The following KCNMA1 variants were observed in gnomAD, a reference collection of about 807,000 sequenced individuals.
The protein encoded by KCNMA1 is Calcium-activated potassium channel subunit alpha-1.
Under a neutral mutation model 140.0 loss-of-function variants are expected in KCNMA1, and 29 were observed. The ratio of observed to expected loss-of-function variants is 0.21; its 90% CI spans 0.15 to 0.28. The LOEUF is 0.28. Among genes scored for constraint, KCNMA1 ranks in the 10% least tolerant of loss-of-function variants. The pLI is 1.00. For missense variants in KCNMA1, 880 were observed against 1,602.2 expected (o/e 0.55, Z 7.70); for synonymous variants, 612 against 611.9 (o/e 1.00, Z 0.00).
intron 2 of KCNMA1, among the ~76,000 whole-genome samples, chr10:77,396,430 G>T (rs2096058630): frequency 6.6e-6 from 1 of 151,892 alleles, no homozygotes; most frequent in African/African-American, 2.4e-5. Flanking sequence ...ACCTCCATAG[G>T]GCACCTAACA....
At chr10:77,241,592 G>A (rs2057294071) in intron 3 of KCNMA1, among the ~76,000 whole-genome samples, 1 of 151,954 alleles carries the variant, frequency 6.6e-6, no homozygotes, top group Non-Finnish European at 1.5e-5. Flanking sequence ...AGGTTGTTGT[G>A]AGCCATGATT....
chr10:76,921,776 T>C (rs1304890552), intron 23 of KCNMA1, among the ~76,000 whole-genome samples: 1 of 152,170 alleles, frequency 6.6e-6, no homozygotes, highest in African/African-American at 2.4e-5. Context: ...ACCAGGTTGA[T>C]TTGGGAAACA....
At chr10:77,034,213 G>T (rs1012716369) in intron 15 of KCNMA1, among the ~76,000 whole-genome samples, 2 of 146,360 alleles carry the variant, frequency 1.4e-5, no homozygotes, top group African/African-American at 2.6e-5. Flanking sequence ...CACTGCACTC[G>T]AGCTTGGGCT....
chr10:77,538,077 A>ACG (rs2059329798), intron 1 of KCNMA1, among the ~76,000 whole-genome samples: 1 of 151,454 alleles, frequency 6.6e-6, no homozygotes, highest in African/African-American at 2.4e-5. Flanking sequence ...ACTCACACAC[A>ACG]TCCACATACT....
At chr10:76,906,854 CAACTAGATTTGTGG>C (rs1293936807) in intron 25 of KCNMA1, among the ~76,000 whole-genome samples, 1 of 152,128 alleles carries the variant, frequency 6.6e-6, no homozygotes, top group Non-Finnish European at 1.5e-5. Flanking sequence ...CGTCTGGATC[CAACTAGATTTGTGG>C]ACTCAGACCC....
chr10:76,952,505 G>A (rs1284424367), intron 21 of KCNMA1, among the ~76,000 whole-genome samples: 2 of 152,140 alleles, frequency 1.3e-5, no homozygotes, highest in African/African-American at 4.8e-5. Context: ...GACAGAGCGA[G>A]ACTCTGTCTC....
intron 1 of KCNMA1, among the ~76,000 whole-genome samples, chr10:77,418,626 CTGGTCCAGCCCTACGATGAAGT>C (rs1195455288): frequency 6.6e-6 from 1 of 152,184 alleles, no homozygotes; most frequent in African/African-American, 2.4e-5. Flanking sequence ...GACAAAGTGG[CTGGTCCAGCCCTACGATGAAGT>C]TGGATCCAGA....
At chr10:76,954,924 T>C (rs968530681) in intron 20 of KCNMA1, among the ~76,000 whole-genome samples, 1 of 152,208 alleles carries the variant, frequency 6.6e-6, no homozygotes, top group African/African-American at 2.4e-5. Context: ...CTCCTGCACC[T>C]TGAATCATAG....
chr10:77,123,145 A>AGATCG (rs2097657387), intron 5 of KCNMA1, among the ~76,000 whole-genome samples: 1 of 131,366 alleles, frequency 7.6e-6, no homozygotes, highest in African/African-American at 2.9e-5. Flanking sequence ...GCGCCACTGC[A>AGATCG]CTCCAGCCTG....
At chr10:77,617,153 G>A (rs1430632025) in intron 1 of KCNMA1, among the ~76,000 whole-genome samples, 2 of 152,198 alleles carry the variant, frequency 1.3e-5, no homozygotes, top group Non-Finnish European at 2.9e-5. Flanking sequence ...TTACTTTGCT[G>A]AGACATAAAA....
At chr10:77,097,999 C>G (rs146395156) in intron 9 of KCNMA1, among the ~76,000 whole-genome samples, 2 of 152,182 alleles carry the variant, frequency 1.3e-5, no homozygotes, top group African/African-American at 4.8e-5. Context: ...TGGGGAATAC[C>G]GGGATGTCCC....
intron 2 of KCNMA1, among the ~76,000 whole-genome samples, chr10:77,353,202 G>T (rs1423254165): frequency 1.3e-5 from 2 of 152,112 alleles, no homozygotes; most frequent in African/African-American, 4.8e-5. Flanking sequence ...GGACTGGGAA[G>T]CTCCTCACTA....
At chr10:77,017,946 C>T (rs12219498) in intron 17 of KCNMA1, among the ~76,000 whole-genome samples, 42,351 of 151,986 alleles carry the variant, frequency 0.28, 6,337 homozygotes, top group East Asian at 0.51. Flanking sequence ...AATAAACCCT[C>T]CTCTGTAAGA....
intron 1 of KCNMA1, among the ~76,000 whole-genome samples, chr10:77,479,266 AAG>A (rs1456525331): frequency 6.6e-6 from 1 of 152,200 alleles, no homozygotes; most frequent in Non-Finnish European, 1.5e-5. Flanking sequence ...TGATGAAACA[AAG>A]AGACAGAGAC....
intron 23 of KCNMA1, among the ~76,000 whole-genome samples, chr10:76,927,511 T>C (rs973839621): frequency 6.6e-6 from 1 of 152,240 alleles, no homozygotes; most frequent in Non-Finnish European, 1.5e-5. Context: ...CTATTTTTAA[T>C]TTTAATTTAA....
chr10:76,921,541 G>T (rs142626784), intron 23 of KCNMA1, among the ~76,000 whole-genome samples: 1 of 152,288 alleles, frequency 6.6e-6, no homozygotes, highest in East Asian at 1.9e-4. Flanking sequence ...ATGCAGATTA[G>T]AACTTGATTA....
intron 1 of KCNMA1, among the ~76,000 whole-genome samples, chr10:77,466,933 G>A (rs1457000737): frequency 9.1e-6 from 1 of 110,030 alleles, no homozygotes; most frequent in Non-Finnish European, 1.9e-5. Context: ...GGAGGGAGGG[G>A]GGAAAGGGGA....
chr10:76,957,858 G>A (rs2069018433), intron 20 of KCNMA1, among the ~76,000 whole-genome samples: 1 of 152,178 alleles, frequency 6.6e-6, no homozygotes, highest in African/African-American at 2.4e-5. Context: ...GGAGTAAGCT[G>A]GGAACACAAT....
intron 1 of KCNMA1, among the ~76,000 whole-genome samples, chr10:77,583,152 C>A (rs1281329832): frequency 6.6e-6 from 1 of 152,178 alleles, no homozygotes; most frequent in Non-Finnish European, 1.5e-5. Context: ...CAGAGCCTGG[C>A]CCTTGTAGCT....
Sources: gnomAD v4.1 joint callset for allele counts (sites outside exome capture counted in the v4.1 genomes callset) on GRCh38, gnomAD v4.1.1 for gene constraint, MANE v1.5 for transcripts, NCBI Gene and HGNC (gene_info 2026-07-23, HGNC 2026-07-21) for gene names.